OPCML: variants seen among roughly 807,000 people sequenced by gnomAD.
OPCML encodes the protein opioid binding protein/cell adhesion molecule like.
A neutral mutation model predicts 37.8 loss-of-function variants in OPCML; 13 were observed. The ratio of observed to expected loss-of-function variants is 0.34; its 90% CI spans 0.22 to 0.55. The LOEUF is 0.55. Among genes scored for constraint, OPCML ranks in the 20% least tolerant of loss-of-function variants. The pLI is 0.91. For synonymous variants in OPCML, 176 were observed against 168.8 expected (o/e 1.04, Z -0.33); for missense variants, 341 against 435.6 (o/e 0.78, Z 1.93).
intron 1 of OPCML, among the ~76,000 whole-genome samples, chr11:133,258,857 G>C (rs534281800): frequency 3.3e-5 from 5 of 152,184 alleles, no homozygotes; most frequent in Admixed American, 6.5e-5. Context: ...CTCCCCAGAG[G>C]CTTCTTAGAA....
At chr11:133,486,710 C>A (rs7927918) in intron 1 of OPCML, among the ~76,000 whole-genome samples, 2 of 151,990 alleles carry the variant, frequency 1.3e-5, no homozygotes, top group African/African-American at 4.8e-5. Context: ...CTTGTAATTC[C>A]ACTTGCCTCT....
At chr11:133,449,671 T>C (rs1946540555) in intron 1 of OPCML, among the ~76,000 whole-genome samples, 1 of 149,394 alleles carries the variant, frequency 6.7e-6, no homozygotes, top group Non-Finnish European at 1.5e-5. Flanking sequence ...TCACATGGCT[T>C]CCTCTCTGTG....
intron 2 of OPCML, among the ~76,000 whole-genome samples, chr11:132,692,593 G>A (rs1056548445): frequency 2.6e-5 from 4 of 152,128 alleles, no homozygotes; most frequent in Non-Finnish European, 5.9e-5. Context: ...TGCTTTCACT[G>A]CAATAGAAAA....
Position 132,624,299 on chromosome 11 carries a change from C to A in OPCML, c.379+32788G>T, listed in dbSNP as rs117212524. Among the ~76,000 whole-genome samples the A allele has an allele frequency of 9.9e-3, 1,508 of 152,280 alleles. 25 individuals are homozygous for A. Among genetic ancestry groups the A allele is most frequent in the Non-Finnish European group, 0.015 (989 of 68,028 alleles). On this transcript the variant is annotated intron_variant, in intron 3 of 7. Coordinates refer to ENST00000524381, the MANE Select transcript of OPCML (RefSeq NM_001012393.5). Reference sequence around the variant, plus strand: ...TTGTATAGTTGGCTTCCCACCACACCCTTACTGAAACTGCTCATATCACTA... The same window carrying A: ...TTGTATAGTTGGCTTCCCACCACACACTTACTGAAACTGCTCATATCACTA...
intron 1 of OPCML, among the ~76,000 whole-genome samples, chr11:133,353,144 C>T (rs922799563): frequency 6.6e-6 from 1 of 152,242 alleles, no homozygotes; most frequent in African/African-American, 2.4e-5. Context: ...CCTTCCTTTG[C>T]CCTGTAAGCC....
chr11:132,936,226 G>A (rs544606264), intron 2 of OPCML, among the ~76,000 whole-genome samples: 1 of 152,268 alleles, frequency 6.6e-6, no homozygotes, highest in East Asian at 1.9e-4. Flanking sequence ...GATGTGTTTG[G>A]TTTATTTCTG....
intron 2 of OPCML, among the ~76,000 whole-genome samples, chr11:132,707,734 C>A (rs1221061646): frequency 6.6e-6 from 1 of 152,186 alleles, no homozygotes; most frequent in African/African-American, 2.4e-5. Flanking sequence ...GTGCATCTTT[C>A]AACTTGGATA....
intron 4 of OPCML, among the ~76,000 whole-genome samples, chr11:132,462,380 C>T (rs1455932724): frequency 6.6e-6 from 1 of 152,168 alleles, no homozygotes; most frequent in Non-Finnish European, 1.5e-5. Flanking sequence ...GGTGGGCTTC[C>T]CTGTACCAAC....
At chr11:132,618,524 A>C (rs1296292616) in intron 3 of OPCML, among the ~76,000 whole-genome samples, 1 of 151,918 alleles carries the variant, frequency 6.6e-6, no homozygotes, top group East Asian at 1.9e-4. Context: ...ATACTTCTCA[A>C]ATCTACCCAC....
rs551067390 is a variant in OPCML at position 133,426,779 on chromosome 11, A to G, written c.61+105485T>C. ...TAGAAAGAGGAAGAGCCTCAGAATC[A>G]GTAAACACTGGAGGCCGCCATTTTC... On this transcript the variant is annotated intron_variant, in intron 1 of 7. Coordinates refer to ENST00000524381, the MANE Select transcript of OPCML (RefSeq NM_001012393.5). Among the ~76,000 whole-genome samples the G allele has an allele frequency of 1.1e-4, 17 of 152,360 alleles. No homozygotes were observed. The South Asian group carries it at 2.9e-3, about 26-fold the overall frequency.
intron 1 of OPCML, among the ~76,000 whole-genome samples, chr11:133,162,336 G>A (rs1403238209): frequency 2.0e-5 from 3 of 152,186 alleles, no homozygotes; most frequent in Admixed American, 2.0e-4. Context: ...AGCAGGCAGC[G>A]GACTTTGCCC....
chr11:132,908,411 A>G (rs951320892), intron 2 of OPCML, among the ~76,000 whole-genome samples: 39 of 152,160 alleles, frequency 2.6e-4, no homozygotes, highest in African/African-American at 8.7e-4. Flanking sequence ...CAGTCACTCA[A>G]TTTCTCTGGG....
At chr11:132,855,054 A>T (rs139562345) in intron 2 of OPCML, among the ~76,000 whole-genome samples, 1 of 152,320 alleles carries the variant, frequency 6.6e-6, no homozygotes, top group East Asian at 1.9e-4. Flanking sequence ...TGAGATTAGG[A>T]TTATGGGAGG....
chr11:133,330,110 G>T (rs1233300869), intron 1 of OPCML, among the ~76,000 whole-genome samples: 3 of 152,184 alleles, frequency 2.0e-5, no homozygotes, highest in South Asian at 2.1e-4. Flanking sequence ...GGCCATCAGA[G>T]AAATGCAAGT....
Position 133,026,498 on chromosome 11 carries a change from T to C in OPCML, c.62-83488A>G, listed in dbSNP as rs145280949. The C allele has an allele frequency of 5.7e-4, 565 of 985,436 alleles. 7 individuals are homozygous for C. The African/African-American group carries it at 9.2e-3, about 16-fold the overall frequency. The allele number at this position is 985,436 out of a possible 1,614,324, so 61.0% of individuals were successfully genotyped here. A position where few individuals can be genotyped will look rare whatever the true frequency, so the allele number is the denominator to read the frequency against. On this transcript the variant is annotated intron_variant, in intron 1 of 7. Transcript: ENST00000524381. ...AACATCCTCCACGCAGTAGGTTTTG[T>C]CCTGCTGGCAGCCTTTTTCTCTTGT...
intron 2 of OPCML, among the ~76,000 whole-genome samples, chr11:132,848,720 G>A (rs936106006): frequency 2.6e-5 from 4 of 152,156 alleles, no homozygotes; most frequent in Admixed American, 6.5e-5. Flanking sequence ...TAAAATATAA[G>A]GAGAGACCTG....
intron 1 of OPCML, among the ~76,000 whole-genome samples, chr11:132,955,149 G>A (rs971566708): frequency 1.3e-5 from 2 of 152,164 alleles, no homozygotes; most frequent in Non-Finnish European, 2.9e-5. Context: ...AAACATGCTG[G>A]ACGGAGATGG....
intron 3 of OPCML, among the ~76,000 whole-genome samples, chr11:132,582,047 C>A (rs1023067217): frequency 2.0e-5 from 3 of 150,668 alleles, no homozygotes; most frequent in African/African-American, 7.3e-5. Flanking sequence ...CCAGACAGAG[C>A]TATCTTAGCA....
intron 1 of OPCML, among the ~76,000 whole-genome samples, chr11:133,176,337 CTTTTT>C (rs3049633): frequency 7.1e-6 from 1 of 140,034 alleles, no homozygotes; most frequent in African/African-American, 2.6e-5. Context: ...CTTCATTTTC[CTTTTT>C]TTTTTTTTTT....
Sources: gnomAD v4.1 joint callset for allele counts (sites outside exome capture counted in the v4.1 genomes callset) on GRCh38, gnomAD v4.1.1 for gene constraint, MANE v1.5 for transcripts, NCBI Gene and HGNC (gene_info 2026-07-23, HGNC 2026-07-21) for gene names.